Variants in NUP93 observed in about 807,000 individuals in gnomAD.
NUP93 encodes nucleoporin 93, also known as nuclear pore complex protein Nup93.
In NUP93, 55 loss-of-function variants were observed where a neutral mutation model predicts 107.8. The observed-to-expected ratio is 0.51, with a 90% CI of 0.41 to 0.64. NUP93 has a LOEUF of 0.64. Ranked by LOEUF, NUP93 falls within the 30% of genes least tolerant of loss-of-function variation. The probability of loss-of-function intolerance (pLI) is 0.00; values close to 1 mark genes in which losing one functional copy is unlikely to be tolerated. For synonymous variants in NUP93, 390 were observed against 397.5 expected (o/e 0.98, Z 0.22); for missense variants, 937 against 1,044.7 (o/e 0.90, Z 1.42).
At chr16:56,820,633 A>G (rs193113554) in intron 6 of NUP93, among the ~76,000 whole-genome samples, 58 of 152,346 alleles carry the variant, frequency 3.8e-4, no homozygotes, top group Non-Finnish European at 1.6e-4. Context: ...TTTAATCTTC[A>G]TAACAGCCCT....
At position 56,731,339 on chromosome 16, in the gene NUP93, A is replaced by G. The variant is rs551500339; in HGVS notation, c.-15+1128A>G. On this transcript the variant is annotated intron_variant, in intron 1 of 21. Coordinates refer to ENST00000308159, the MANE Select transcript of NUP93 (RefSeq NM_014669.5). Reference sequence around the variant, plus strand: ...CTTTTTTCTCATCTCAATAATAGGAAAGACCTTGGCTAATAACTTTTGAGC... The same window carrying G: ...CTTTTTTCTCATCTCAATAATAGGAGAGACCTTGGCTAATAACTTTTGAGC... Among the ~76,000 whole-genome samples, 3 of 151,782 alleles carry G rather than the reference A, an allele frequency of 2.0e-5. No individual in the cohort carries two copies. In the East Asian group the frequency reaches 5.8e-4, roughly 29 times the overall value.
chr16:56,830,398 C>T (rs1230620381), intron 9 of NUP93, 130 bp from the exon 10 acceptor site: 4 of 805,658 alleles, frequency 5.0e-6, no homozygotes, highest in African/African-American at 1.7e-5. Context: ...TAATGGTTCT[C>T]ACTGCAGGGA....
Position 56,834,429 on chromosome 16 carries a change from T to C in NUP93, c.1724T>C (p.Ile575Thr). Residue 575 changes from isoleucine (I) to threonine (T), a missense_variant, in exon 15 of 22, where the codon ATT becomes ACT. Transcript: ENST00000308159. ...CTGCGCTGTGTGAGTGAGCTTGTGA[T>C]TGAAAGCCGAGAGGTGAGTGGGTTT... ...MFLRCVSELV[I>T]ESREFDMILG... The C allele has an allele frequency of 6.2e-7, 1 of 1,614,230 alleles. No individual in the cohort carries two copies. Among genetic ancestry groups the C allele is most frequent in the Middle Eastern group, 1.6e-4 (1 of 6,062 alleles).
Position 56,831,913 on chromosome 16 carries a change from A to G in NUP93, c.1157A>G (p.Tyr386Cys). The G allele has an allele frequency of 6.2e-7, 1 of 1,614,070 alleles. No individual in the cohort carries two copies. The highest frequency in any genetic ancestry group is 8.5e-7 in the Non-Finnish European group (1 of 1,180,006). ...GCCCTCAGGAACAATACAGATCCCT[A>G]CAAGCGGGCCGTGTACTGTATCATT... Reference protein sequence around the residue: ...RRALRNNTDPYKRAVYCIIGR... With the variant: ...RRALRNNTDPCKRAVYCIIGR... Residue 386 changes from tyrosine to cysteine, a missense_variant, in exon 11 of 22, where the codon TAC becomes TGC. Coordinates refer to ENST00000308159, the MANE Select transcript of NUP93 (RefSeq NM_014669.5).
chr16:56,755,427 A>G (rs11076169), intron 2 of NUP93, among the ~76,000 whole-genome samples: 31,962 of 151,236 alleles, frequency 0.21, 3,536 homozygotes, highest in Middle Eastern at 0.34. Flanking sequence ...ATTTATAGAG[A>G]CAGAAAGTAG....
chr16:56,746,977 C>T (rs1326644809), intron 1 of NUP93, among the ~76,000 whole-genome samples: 2 of 151,690 alleles, frequency 1.3e-5, no homozygotes, highest in African/African-American at 2.4e-5. Flanking sequence ...AGATTTTCTT[C>T]TTAACCTTTT....
At chr16:56,795,465 T>G (rs1285657449) in intron 3 of NUP93, among the ~76,000 whole-genome samples, 1 of 152,102 alleles carries the variant, frequency 6.6e-6, no homozygotes, top group Non-Finnish European at 1.5e-5. Flanking sequence ...CCCTTCTGAA[T>G]GAACCATGTG....
chr16:56,740,866 C>G, intron 1 of NUP93: 1 of 192,028 alleles, frequency 5.2e-6, no homozygotes, highest in Non-Finnish European at 1.1e-5. Context: ...TCCACCAAAA[C>G]CAGTCAGGCG....
At chr16:56,783,631 G>C in intron 3 of NUP93, 1 of 985,396 alleles carries the variant, frequency 1.0e-6, no homozygotes, top group Non-Finnish European at 1.2e-6. Context: ...GCCTTCATCA[G>C]AGCTCCTTAA....
chr16:56,803,177 G>T (rs1440425875), intron 4 of NUP93, among the ~76,000 whole-genome samples: 2 of 152,072 alleles, frequency 1.3e-5, no homozygotes, highest in Non-Finnish European at 2.9e-5. Context: ...AAATCACTGG[G>T]GCCTAGTGCA....
chr16:56,811,887 A>C (rs1252138430), intron 5 of NUP93, among the ~76,000 whole-genome samples: 1 of 152,206 alleles, frequency 6.6e-6, no homozygotes, highest in Non-Finnish European at 1.5e-5. Context: ...TCTTTGTGCG[A>C]TTGTTGGTAT....
chr16:56,803,654 A>C (rs1173615258), intron 4 of NUP93, among the ~76,000 whole-genome samples: 1 of 152,150 alleles, frequency 6.6e-6, no homozygotes, highest in Non-Finnish European at 1.5e-5. Context: ...AAAGATGCTC[A>C]ACATCATTAA....
chr16:56,809,395 GC>G (rs1283059010), intron 5 of NUP93, among the ~76,000 whole-genome samples: 1 of 106,282 alleles, frequency 9.4e-6, no homozygotes, highest in Non-Finnish European at 1.8e-5. Flanking sequence ...ACCCATAATA[GC>G]CATTCCCTAT....
At chr16:56,790,902 A>G (rs1301105764) in intron 3 of NUP93, among the ~76,000 whole-genome samples, 1 of 151,978 alleles carries the variant, frequency 6.6e-6, no homozygotes, top group Non-Finnish European at 1.5e-5. Context: ...TTCTTCCTTC[A>G]TTGCTTTCTA....
At chr16:56,837,970 T>C (rs1963947849) in intron 18 of NUP93, among the ~76,000 whole-genome samples, 1 of 152,238 alleles carries the variant, frequency 6.6e-6, no homozygotes, top group Admixed American at 6.5e-5. Context: ...GGCATCTCAG[T>C]ATTTTAATCA....
At chr16:56,835,789 C>A (rs545187600) in intron 16 of NUP93, among the ~76,000 whole-genome samples, 1 of 152,124 alleles carries the variant, frequency 6.6e-6, no homozygotes, top group Non-Finnish European at 1.5e-5. Flanking sequence ...GCTCTCCTGA[C>A]CATTTAGTTG....
At chr16:56,798,632 C>G (rs2144557874) in intron 4 of NUP93, 94 bp downstream of exon 4, 1 of 1,005,126 alleles carries the variant, frequency 9.9e-7, no homozygotes. Context: ...CTTTGGGAGG[C>G]TGATGCAGGA....
rs781311765 is a variant in NUP93 at position 56,834,232 on chromosome 16, C to T, written c.1642C>T (p.Leu548Phe). ...TGAGTCCACGGACCCAAGGGAGGCCCTCCAGTACTTCTATTTCCTCAGGTA... is the reference window on the plus strand; with the variant it reads ...TGAGTCCACGGACCCAAGGGAGGCCTTCCAGTACTTCTATTTCCTCAGGTA... ...KFESTDPREA[L>F]QYFYFLRDEK... is the part of the protein sequence containing the mutation. Residue 548 changes from leucine (L) to phenylalanine (F), a missense_variant, in exon 14 of 22, where the codon CTC (leucine) becomes TTC (phenylalanine). Coordinates refer to ENST00000308159, the MANE Select transcript of NUP93 (RefSeq NM_014669.5). 84 of 1,614,056 alleles carry T rather than the reference C, an allele frequency of 5.2e-5. No homozygotes were observed. The highest frequency in any genetic ancestry group is 6.7e-5 in the African/African-American group (5 of 74,934).
chr16:56,764,349 A>T (rs2144491464), intron 3 of NUP93, among the ~76,000 whole-genome samples: 1 of 152,150 alleles, frequency 6.6e-6, no homozygotes, highest in East Asian at 1.9e-4. Context: ...AATTAGCCGG[A>T]CATGTTGGTG....
Sources: allele counts gnomAD v4.1 joint callset (sites outside exome capture counted in the v4.1 genomes callset), GRCh38; gene constraint gnomAD v4.1.1; transcripts MANE v1.5; gene names NCBI Gene and HGNC (gene_info 2026-07-23, HGNC 2026-07-21).